Variants in TMEM132C observed in about 807,000 individuals in gnomAD.
TMEM132C encodes the protein transmembrane protein 132C, also known as protein phosphatase 1, regulatory subunit 152.
In TMEM132C, 29 loss-of-function variants were observed where a neutral mutation model predicts 61.4. That is an observed-to-expected ratio of 0.47 (90% CI 0.35 to 0.64). The LOEUF is 0.64. Ranked by LOEUF, TMEM132C falls within the 30% of genes least tolerant of loss-of-function variation. The pLI, the probability that TMEM132C is intolerant of heterozygous loss-of-function variation, is 0.00. For synonymous variants in TMEM132C, 656 were observed against 633.1 expected, an observed-to-expected ratio of 1.04 and a Z score of -0.54; for missense variants, 1,408 against 1,476.9, an observed-to-expected ratio of 0.95 and a Z score of 0.76.
At chr12:128,442,845 A>G (rs529150573) in intron 2 of TMEM132C, among the ~76,000 whole-genome samples, 107 of 152,316 alleles carry the variant, frequency 7.0e-4, no homozygotes, top group African/African-American at 2.5e-3. Flanking sequence ...CATCACCCCA[A>G]AAAGAAACTC....
intron 1 of TMEM132C, among the ~76,000 whole-genome samples, chr12:128,291,409 C>T (rs996853761): frequency 2.6e-5 from 4 of 152,220 alleles, no homozygotes; most frequent in Non-Finnish European, 5.9e-5. Flanking sequence ...TGCCCTTTTC[C>T]CCTGGATGGG....
chr12:128,451,461 C>T (rs979453817), intron 2 of TMEM132C, among the ~76,000 whole-genome samples: 2 of 152,148 alleles, frequency 1.3e-5, no homozygotes, highest in Non-Finnish European at 2.9e-5. Flanking sequence ...CTGCTACCCC[C>T]GGCAGGAAAG....
chr12:128,274,969 T>C (rs1303494624), intron 1 of TMEM132C, among the ~76,000 whole-genome samples: 1 of 152,166 alleles, frequency 6.6e-6, no homozygotes, highest in African/African-American at 2.4e-5. Flanking sequence ...AATAGTTCCA[T>C]CATTTTGTAT....
At chr12:128,418,253 G>T (rs574615808) in intron 2 of TMEM132C, among the ~76,000 whole-genome samples, 1 of 152,180 alleles carries the variant, frequency 6.6e-6, no homozygotes, top group African/African-American at 2.4e-5. Context: ...GGAATTCAAC[G>T]AATAGGGAAC....
At chr12:128,437,187 C>G (rs1869628679) in intron 2 of TMEM132C, among the ~76,000 whole-genome samples, 1 of 152,042 alleles carries the variant, frequency 6.6e-6, no homozygotes, top group South Asian at 2.1e-4. Context: ...AGGAGAAATA[C>G]CTAATGTAAA....
At chr12:128,315,264 C>A (rs1162255998) in intron 1 of TMEM132C, among the ~76,000 whole-genome samples, 1 of 152,074 alleles carries the variant, frequency 6.6e-6, no homozygotes, top group Non-Finnish European at 1.5e-5. Flanking sequence ...CCTGCCCCAG[C>A]GTCAGTGTGT....
At chr12:128,446,178 G>C (rs960833516) in intron 2 of TMEM132C, among the ~76,000 whole-genome samples, 15 of 152,176 alleles carry the variant, frequency 9.9e-5, no homozygotes, top group African/African-American at 3.6e-4. Flanking sequence ...CATGACCAGG[G>C]TGAAATCAGC....
At chr12:128,635,793 TCA>T (rs910927244) in intron 4 of TMEM132C, among the ~76,000 whole-genome samples, 6 of 152,206 alleles carry the variant, frequency 3.9e-5, no homozygotes, top group African/African-American at 1.2e-4. Flanking sequence ...TGGATGTCAC[TCA>T]CAGTGTACAG....
intron 3 of TMEM132C, among the ~76,000 whole-genome samples, chr12:128,550,795 C>A (rs770398046): frequency 3.3e-5 from 5 of 152,224 alleles, no homozygotes; most frequent in Non-Finnish European, 5.9e-5. Context: ...TCATCCTGAA[C>A]CTGCTTCCGT....
intron 5 of TMEM132C, among the ~76,000 whole-genome samples, chr12:128,684,546 G>T (rs530783663): frequency 6.6e-6 from 1 of 152,202 alleles, no homozygotes; most frequent in Non-Finnish European, 1.5e-5. Flanking sequence ...GCTCATTAGC[G>T]CTGCCAACCC....
At chr12:128,425,560 A>G (rs914910516) in intron 2 of TMEM132C, among the ~76,000 whole-genome samples, 2 of 152,236 alleles carry the variant, frequency 1.3e-5, no homozygotes, top group African/African-American at 2.4e-5. Flanking sequence ...TGCGGCTGCC[A>G]TAACAAATTG....
At chr12:128,472,882 A>G (rs558905853) in intron 2 of TMEM132C, among the ~76,000 whole-genome samples, 125 of 152,332 alleles carry the variant, frequency 8.2e-4, no homozygotes, top group African/African-American at 2.9e-3. Flanking sequence ...ATATATATGA[A>G]GTCTGGCAGT....
rs1309139624 is a variant in TMEM132C, at chr12:128,326,980, T to C, written c.85+59493T>C. ...CTATTTAAGTAAAATTTACTTTTAGTGGTGTAATTTTTCCTTTTAGGTTTT... is the reference window on the plus strand; with the variant it reads ...CTATTTAAGTAAAATTTACTTTTAGCGGTGTAATTTTTCCTTTTAGGTTTT... On this transcript the variant is annotated intron_variant, in intron 1 of 8. Transcript: ENST00000435159. This position sits in a 1 kb window ranked among gnomAD's most constrained non-coding sequence, Gnocchi z 5.6. Among the ~76,000 whole-genome samples the C allele has an allele frequency of 6.7e-6, 1 of 149,938 alleles. No homozygotes were observed. The highest frequency in any genetic ancestry group is 1.5e-5 in the Non-Finnish European group (1 of 68,028).
At chr12:128,604,804 T>TTATA (rs1876357171) in intron 3 of TMEM132C, among the ~76,000 whole-genome samples, 1 of 150,898 alleles carries the variant, frequency 6.6e-6, no homozygotes, top group Non-Finnish European at 1.5e-5. Context: ...AGTAGATAGA[T>TTATA]GATGGATGGA....
chr12:128,282,345 T>C (rs1870924137), intron 1 of TMEM132C, among the ~76,000 whole-genome samples: 1 of 152,248 alleles, frequency 6.6e-6, no homozygotes, highest in South Asian at 2.1e-4. Context: ...AGAGGTTTAA[T>C]TGACTCACAG....
At chr12:128,300,785 C>T (rs1871569610) in intron 1 of TMEM132C, among the ~76,000 whole-genome samples, 1 of 152,092 alleles carries the variant, frequency 6.6e-6, no homozygotes, top group African/African-American at 2.4e-5. Context: ...TCCTGTAATC[C>T]CAGCACTTTG....
At chr12:128,505,860 G>A (rs76188874) in intron 2 of TMEM132C, among the ~76,000 whole-genome samples, 9,916 of 152,126 alleles carry the variant, frequency 0.065, 388 homozygotes, top group Middle Eastern at 0.11. Flanking sequence ...GAGGAGGGAG[G>A]TCAGAGAGCT....
intron 5 of TMEM132C, among the ~76,000 whole-genome samples, chr12:128,691,806 G>C (rs61180855): frequency 6.4e-4 from 67 of 104,444 alleles, no homozygotes; most frequent in African/African-American, 1.1e-3. Flanking sequence ...GTGTGTGCAT[G>C]CACCCATCAG....
chr12:128,348,251 A>G (rs529899435), intron 1 of TMEM132C, among the ~76,000 whole-genome samples: 85 of 152,356 alleles, frequency 5.6e-4, no homozygotes, highest in Admixed American at 1.5e-3. Context: ...ATTGTATCAT[A>G]TAGAAATACC....
Sources: gnomAD v4.1 joint callset for allele counts (sites outside exome capture counted in the v4.1 genomes callset) on GRCh38, gnomAD v4.1.1 for gene constraint, Gnocchi (gnomAD v3.1) non-coding constraint, MANE v1.5 for transcripts, NCBI Gene and HGNC (gene_info 2026-07-23, HGNC 2026-07-21) for gene names.